The following ITPK1 variants were observed in gnomAD, a reference collection of about 807,000 sequenced individuals.
ITPK1 encodes inositol-tetrakisphosphate 1-kinase.
A neutral mutation model predicts 45.3 loss-of-function variants in ITPK1; 21 were observed. The ratio of observed to expected loss-of-function variants is 0.46; its 90% confidence interval spans 0.33 to 0.67. ITPK1 has a LOEUF of 0.67. ITPK1 is among the 30% of genes least tolerant of loss of function. The pLI is 0.02. For synonymous variants in ITPK1, 258 were observed against 253.6 expected, an observed-to-expected ratio of 1.02 and a Z score of -0.16; for missense variants, 474 against 573.5, an observed-to-expected ratio of 0.83 and a Z score of 1.77.
At chr14:93,018,282 C>T (rs55948122) in intron 3 of ITPK1, among the ~76,000 whole-genome samples, 31,616 of 152,072 alleles carry the variant, frequency 0.21, 3,999 homozygotes, top group East Asian at 0.3. Context: ...ACCGCCTCCC[C>T]TATGGCTCCA....
At position 92,938,480 on chromosome 14, in the gene ITPK1, AC is replaced by A. The variant is rs1887213165; in HGVS notation, c.*3080del. 6.2e-7 allele frequency: 1 copy of A among 1,611,700 alleles called. No homozygotes were observed. Among genetic ancestry groups the A allele is most frequent in the Non-Finnish European group, 8.5e-7 (1 of 1,177,840 alleles). On this transcript the variant is annotated 3_prime_UTR_variant, in exon 11 of 11. Coordinates refer to ENST00000267615, the MANE Select transcript of ITPK1 (RefSeq NM_014216.6). The stretch of plus-strand genomic sequence containing the variant: ...TGGCTCAAACATGTGACAGCTTCCT[AC>A]TTCAGTCGGTCTTCCAGCCTTCTAT...
At chr14:93,017,861 G>A (rs1888264782) in intron 3 of ITPK1, among the ~76,000 whole-genome samples, 1 of 152,268 alleles carries the variant, frequency 6.6e-6, no homozygotes, top group Non-Finnish European at 1.5e-5. Context: ...AAGCTTGCGT[G>A]CATTTCTTTC....
chr14:92,958,338 A>G lies in ITPK1; in HGVS notation c.533T>C (p.Leu178Pro). The G allele has an allele frequency of 1.9e-6, 3 of 1,614,218 alleles. No homozygotes were observed. The highest frequency in any genetic ancestry group is 2.5e-6 in the Non-Finnish European group (3 of 1,180,036). The change falls in exon 8 of 11, where the codon CTG becomes CCG. Residue 178 changes from leucine (L) to proline (P), a missense_variant. Leu to Pro is a moderately conservative substitution (Grantham distance 98). Transcript: ENST00000267615. The surrounding 1 kb of genome is among the most constrained non-coding windows in gnomAD (Gnocchi z 4.4). Reference sequence around the variant, plus strand: ...CACGCAGGGTGGCTGGATGGCGTTCAGGCCCTCCTGGTTGAACACGATAGC... The same window carrying G: ...CACGCAGGGTGGCTGGATGGCGTTCGGGCCCTCCTGGTTGAACACGATAGC... ...EMAIVFNQEG[L>P]NAIQPPCVVQ...
intron 7 of ITPK1, among the ~76,000 whole-genome samples, chr14:92,959,645 G>C (rs1884947256): frequency 6.6e-6 from 1 of 151,962 alleles, no homozygotes; most frequent in Non-Finnish European, 1.5e-5. Flanking sequence ...AAGCGCCACT[G>C]TCTTCCTCTG....
At chr14:93,102,285 G>T (rs1171867459) in intron 2 of ITPK1, among the ~76,000 whole-genome samples, 1 of 152,260 alleles carries the variant, frequency 6.6e-6, no homozygotes, top group Non-Finnish European at 1.5e-5. Context: ...CGGCTTGGCT[G>T]CGCCCAGGTC....
intron 3 of ITPK1, among the ~76,000 whole-genome samples, chr14:93,028,086 A>T (rs1888836000): frequency 6.6e-6 from 1 of 152,162 alleles, no homozygotes; most frequent in Admixed American, 6.5e-5. Flanking sequence ...CACGCCCAAC[A>T]TGCCCTGGTT....
rs796161251 is a variant in ITPK1 at position 92,946,279 on chromosome 14, T to C, written c.901+52A>G. 3.4e-5 allele frequency: 55 copies of C among 1,602,632 alleles called. 1 individual carries two copies. The African/African-American group carries it at 6.7e-4, about 19-fold the overall frequency. ...ACCCCGCCTCACCTGCCTGGTCACC[T>C]GAGGACAGTCTCTGGAGGCCGGTCA... On this transcript the variant is annotated intron_variant, in intron 10 of 10. Coordinates refer to ENST00000267615, the MANE Select transcript of ITPK1 (RefSeq NM_014216.6).
At chr14:92,947,011 G>A (rs1887723529) in intron 9 of ITPK1, among the ~76,000 whole-genome samples, 1 of 152,238 alleles carries the variant, frequency 6.6e-6, no homozygotes. Flanking sequence ...GGACACAGGG[G>A]AGGCAAAGGT....
At chr14:93,106,376 T>C (rs1232392926) in intron 2 of ITPK1, among the ~76,000 whole-genome samples, 1 of 152,160 alleles carries the variant, frequency 6.6e-6, no homozygotes, top group Non-Finnish European at 1.5e-5. Flanking sequence ...CCACCCTGTC[T>C]AAGGTGGAAA....
Position 92,938,674 on chromosome 14 carries a change from G to A in ITPK1, c.*2887C>T, listed in dbSNP as rs1887219782. 1.5e-6 allele frequency: 1 copy of A among 671,606 alleles called. No individual in the cohort carries two copies. Among genetic ancestry groups the A allele is most frequent in the Non-Finnish European group, 2.7e-6 (1 of 372,244 alleles). The allele number at this position is 671,606 out of a possible 1,614,324, so 41.6% of individuals were successfully genotyped here. A position where few individuals can be genotyped will look rare whatever the true frequency, so the allele number is the denominator to read the frequency against. On this transcript the variant is annotated 3_prime_UTR_variant, in exon 11 of 11. Coordinates refer to ENST00000267615, the MANE Select transcript of ITPK1 (RefSeq NM_014216.6). ...CCGCCGGCCATGCTGGGTGACTGCA[G>A]GCCCAGCCCACCCACCACGTGTGGA...
chr14:93,031,128 A>G (rs1188601084), intron 3 of ITPK1, among the ~76,000 whole-genome samples: 2 of 152,160 alleles, frequency 1.3e-5, no homozygotes, highest in African/African-American at 4.8e-5. Flanking sequence ...TTGTGACAGC[A>G]GCACTGGCAA....
At chr14:92,946,525 G>C (rs1473415096) in intron 9 of ITPK1, 32 bp from the exon 10 acceptor site, 1 of 1,606,458 alleles carries the variant, frequency 6.2e-7, no homozygotes, top group Non-Finnish European at 8.5e-7. Context: ...TCAGGCCATG[G>C]GCCGAGGAGC....
intron 2 of ITPK1, among the ~76,000 whole-genome samples, chr14:93,114,453 G>C (rs950810537): frequency 1.3e-5 from 2 of 152,206 alleles, no homozygotes; most frequent in Admixed American, 6.5e-5. Flanking sequence ...CTGCCGATCG[G>C]TCCCCGTTCT....
intron 2 of ITPK1, among the ~76,000 whole-genome samples, chr14:93,088,926 C>G (rs1433319873): frequency 6.6e-6 from 1 of 152,214 alleles, no homozygotes; most frequent in Non-Finnish European, 1.5e-5. Context: ...CCCTTACTCC[C>G]CACCCAGGCC....
intron 9 of ITPK1, among the ~76,000 whole-genome samples, chr14:92,948,812 G>A (rs1339471971): frequency 7.3e-6 from 1 of 137,466 alleles, no homozygotes; most frequent in African/African-American, 3.0e-5. Flanking sequence ...CACGCTCCGA[G>A]GGACCCATGC....
chr14:93,112,746 G>A (rs1213952034), intron 2 of ITPK1, among the ~76,000 whole-genome samples: 1 of 152,054 alleles, frequency 6.6e-6, no homozygotes, highest in East Asian at 1.9e-4. Context: ...CCCAAAGCAG[G>A]GCCATTTTCA....
intron 3 of ITPK1, among the ~76,000 whole-genome samples, chr14:93,023,590 G>A (rs140541275): frequency 1.7e-3 from 254 of 152,324 alleles, no homozygotes; most frequent in African/African-American, 5.8e-3. Flanking sequence ...ACAAAGGAAG[G>A]ATGGAAGGGA....
At chr14:93,041,526 C>A (rs949600079) in intron 3 of ITPK1, among the ~76,000 whole-genome samples, 1 of 152,208 alleles carries the variant, frequency 6.6e-6, no homozygotes, top group African/African-American at 2.4e-5. Context: ...GGGAGAGCCA[C>A]GCTCAGAAAC....
intron 3 of ITPK1, among the ~76,000 whole-genome samples, chr14:93,027,581 C>T (rs1007100450): frequency 1.3e-5 from 2 of 152,150 alleles, no homozygotes; most frequent in Non-Finnish European, 2.9e-5. Context: ...AACTGGAGAA[C>T]CACACTCCAG....
Sources: gnomAD v4.1 joint callset for allele counts (sites outside exome capture counted in the v4.1 genomes callset) on GRCh38, gnomAD v4.1.1 for gene constraint, Gnocchi (gnomAD v3.1) non-coding constraint, MANE v1.5 for transcripts, NCBI Gene and HGNC (gene_info 2026-07-23, HGNC 2026-07-21) for gene names.